Variants in TNFSF4 observed in about 807,000 individuals in gnomAD.
TNFSF4 encodes the protein tumor necrosis factor ligand superfamily member 4.
TNFSF4 carries 4 observed loss-of-function variants against 7.3 expected under a neutral mutation model. The ratio of observed to expected loss-of-function variants is 0.55; its 90% CI spans 0.27 to 1.25. The LOEUF (loss-of-function observed/expected upper bound fraction) is 1.25, where lower values mean the gene tolerates loss of function less well. TNFSF4 is among the 50% of genes most tolerant of loss of function. The pLI, the probability that TNFSF4 is intolerant of heterozygous loss-of-function variation, is 0.12. For missense variants in TNFSF4, 181 were observed against 208.8 expected (o/e 0.87, Z 0.82); for synonymous variants, 76 against 83.7 (o/e 0.91, Z 0.50).
chr1:173,346,083 C>T, the TNFSF4 span, among the ~76,000 whole-genome samples: 6 of 152,206 alleles, frequency 3.9e-5, no homozygotes, highest in Admixed American at 2.6e-4. Flanking sequence ...TCCTGAGGAC[C>T]TAAAATGAAG....
At chr1:173,405,009 T>C in the TNFSF4 span, among the ~76,000 whole-genome samples, 1 of 152,320 alleles carries the variant, frequency 6.6e-6, no homozygotes, top group African/African-American at 2.4e-5. Context: ...CTCTATTTTC[T>C]TGCCTCACAT....
At chr1:173,282,276 C>T in the TNFSF4 span, among the ~76,000 whole-genome samples, 1 of 151,880 alleles carries the variant, frequency 6.6e-6, no homozygotes, top group Non-Finnish European at 1.5e-5. Flanking sequence ...TTACACATTG[C>T]ATACATGTAC....
the TNFSF4 span, among the ~76,000 whole-genome samples, chr1:173,410,951 T>C: frequency 1.2e-4 from 18 of 152,324 alleles, no homozygotes; most frequent in East Asian, 2.5e-3. Context: ...GTACCCAGTC[T>C]GGACTAGTCC....
At position 173,189,348 on chromosome 1, in the gene TNFSF4, C is replaced by T. The variant is rs530512236; in HGVS notation, c.154-779G>A. Among the ~76,000 whole-genome samples the T allele has an allele frequency of 3.9e-5, 6 of 152,274 alleles. No individual in the cohort carries two copies. The East Asian group carries it at 7.7e-4, about 20-fold the overall frequency. On this transcript the variant is annotated intron_variant, in intron 1 of 2. Coordinates refer to ENST00000281834, the MANE Select transcript of TNFSF4 (RefSeq NM_003326.5). ...GGGAGGGAGTTCTGGAAGCTTCCTGCATGTCTGGTCTTTCACTTTAACGCA... is the reference window on the plus strand; with the variant it reads ...GGGAGGGAGTTCTGGAAGCTTCCTGTATGTCTGGTCTTTCACTTTAACGCA...
chr1:173,405,539 G>C, the TNFSF4 span, among the ~76,000 whole-genome samples: 4 of 152,212 alleles, frequency 2.6e-5, no homozygotes, highest in Non-Finnish European at 4.4e-5. Flanking sequence ...GCACTTGAAA[G>C]TGGGATGTTA....
intron 1 of TNFSF4, among the ~76,000 whole-genome samples, chr1:173,193,694 T>C (rs549123679): frequency 6.7e-6 from 1 of 148,206 alleles, no homozygotes; most frequent in African/African-American, 2.5e-5. Context: ...GGCAATGACC[T>C]CATCATGAGA....
At chr1:173,182,276 G>T (rs1223833504), downstream of TNFSF4, among the ~76,000 whole-genome samples, 1 of 152,150 alleles carries the variant, frequency 6.6e-6, no homozygotes, top group East Asian at 1.9e-4. Context: ...TGGGCCAAAA[G>T]GGAAAACGGA....
chr1:173,262,633 C>T, the TNFSF4 span, among the ~76,000 whole-genome samples: 5 of 129,420 alleles, frequency 3.9e-5, no homozygotes, highest in East Asian at 4.6e-4. Flanking sequence ...GATGGAGTCT[C>T]GCTCTGTCGC....
the TNFSF4 span, among the ~76,000 whole-genome samples, chr1:173,327,642 C>G: frequency 6.6e-6 from 1 of 151,584 alleles, no homozygotes; most frequent in Non-Finnish European, 1.5e-5. Flanking sequence ...ACAATGAACT[C>G]AAACAAATTT....
intron 1 of TNFSF4, among the ~76,000 whole-genome samples, chr1:173,198,653 T>C (rs1158197979): frequency 6.6e-6 from 1 of 152,186 alleles, no homozygotes; most frequent in Non-Finnish European, 1.5e-5. Context: ...ATTCCTGTAC[T>C]ATGCTTATTA....
At chr1:173,242,329 C>A in the TNFSF4 span, among the ~76,000 whole-genome samples, 2 of 152,130 alleles carry the variant, frequency 1.3e-5, no homozygotes. Context: ...GGCCCCGAAC[C>A]ATTCAGCTAT....
At chr1:173,226,270 G>A in the TNFSF4 span, among the ~76,000 whole-genome samples, 2 of 152,150 alleles carry the variant, frequency 1.3e-5, no homozygotes, top group East Asian at 1.9e-4. Context: ...CAGATTTACT[G>A]GCAGTTGGGT....
Position 173,207,089 on chromosome 1 carries a change from C to A in TNFSF4, c.88G>T (p.Val30Leu). The A allele has an allele frequency of 6.2e-7, 1 of 1,613,878 alleles. No homozygotes were observed. Among genetic ancestry groups the A allele is most frequent in the Non-Finnish European group, 8.5e-7 (1 of 1,179,904 alleles). Residue 30 changes from valine (V) to leucine (L), a missense_variant, in exon 1 of 3, where the codon GTA becomes TTA. Val to Leu is a conservative substitution (Grantham distance 32). Coordinates refer to ENST00000281834, the MANE Select transcript of TNFSF4 (RefSeq NM_003326.5). ...ERNKLLLVAS[V>L]IQGLGLLLCF... is the part of the protein sequence containing the mutation. ...AGGAGCAGCCCCAGTCCCTGAATTA[C>A]AGAGGCCACCAGCAATAGCTTGTTC...
At chr1:173,437,402 ATTAAT>A in the TNFSF4 span, among the ~76,000 whole-genome samples, 10 of 152,102 alleles carry the variant, frequency 6.6e-5, no homozygotes, top group Admixed American at 1.3e-4. Flanking sequence ...TTATTTGCTT[ATTAAT>A]TTAGTTTGTA....
At chr1:173,317,264 A>T in the TNFSF4 span, among the ~76,000 whole-genome samples, 1 of 152,194 alleles carries the variant, frequency 6.6e-6, no homozygotes, top group Non-Finnish European at 1.5e-5. Context: ...ACCACCATCA[A>T]CACCATGTTA....
chr1:173,228,643 G>A, the TNFSF4 span, among the ~76,000 whole-genome samples: 4 of 152,332 alleles, frequency 2.6e-5, no homozygotes, highest in East Asian at 1.9e-4. Flanking sequence ...GCTAAAGGAG[G>A]AATTTTGAAC....
At chr1:173,356,326 T>C in the TNFSF4 span, among the ~76,000 whole-genome samples, 1 of 152,168 alleles carries the variant, frequency 6.6e-6, no homozygotes, top group South Asian at 2.1e-4. Flanking sequence ...AGAAGGGGTA[T>C]TAGAATAAGA....
the TNFSF4 span, among the ~76,000 whole-genome samples, chr1:173,447,244 T>C: frequency 6.6e-6 from 1 of 152,178 alleles, no homozygotes; most frequent in Non-Finnish European, 1.5e-5. Flanking sequence ...GAAGGAGAGA[T>C]GAATATGCAG....
downstream of TNFSF4, among the ~76,000 whole-genome samples, chr1:173,183,189 G>C (rs2101976298): frequency 6.6e-6 from 1 of 151,794 alleles, no homozygotes; most frequent in Admixed American, 6.6e-5. Context: ...TTAAAGGGGT[G>C]GCAGAGAAAG....
Sources: gnomAD v4.1 joint callset for allele counts (sites outside exome capture counted in the v4.1 genomes callset) on GRCh38, gnomAD v4.1.1 for gene constraint, MANE v1.5 for transcripts, NCBI Gene and HGNC (gene_info 2026-07-23, HGNC 2026-07-21) for gene names.